Variants in CSMD3 observed in about 807,000 individuals in gnomAD.
The protein encoded by CSMD3 is CUB and Sushi multiple domains 3, also known as CUB and sushi domain-containing protein 3.
In CSMD3, 177 loss-of-function variants were observed where a neutral mutation model predicts 435.2. The observed-to-expected ratio is 0.41, with a 90% CI of 0.36 to 0.46. CSMD3 has a LOEUF of 0.46. CSMD3 is among the 20% of genes least tolerant of loss of function. The pLI is 0.34. For synonymous variants in CSMD3, 1,656 were observed against 1,520.5 expected (o/e 1.09, Z -2.07); for missense variants, 4,265 against 4,504.6 (o/e 0.95, Z 1.52).
chr8:112,472,690 A>G lies in CSMD3; in HGVS notation c.5296T>C (p.Ser1766Pro). ...PSCHAPCGSR[S>P]TGSEGTVLSP... ...AGAACAGTGCCTTCTGAACCTGTTG[A>G]ACGACTTCCACAGGGCGCTAGGAAA... Residue 1766 changes from serine to proline, a missense_variant, in exon 32 of 71, where the codon TCA becomes CCA. By Grantham distance (74) the Ser-to-Pro change is moderately conservative. Around this residue, in one of 3 missense-constraint regions of CSMD3, gnomAD observed 3,255 missense variants for 3,380.2 expected, o/e 0.96. Transcript: ENST00000297405. 1 of 1,608,092 alleles carries G rather than the reference A, an allele frequency of 6.2e-7. No homozygotes were observed. Among genetic ancestry groups the G allele is most frequent in the South Asian group, 1.1e-5 (1 of 90,970 alleles).
intron 45 of CSMD3, 97 bp downstream of exon 45, chr8:112,335,232 C>A: frequency 2.5e-6 from 3 of 1,212,402 alleles, no homozygotes; most frequent in Non-Finnish European, 3.6e-6. Context: ...AATTTTAATA[C>A]CTTTTCAATC....
At chr8:113,033,055 A>G (rs1346217311) in intron 5 of CSMD3, among the ~76,000 whole-genome samples, 1 of 151,566 alleles carries the variant, frequency 6.6e-6, no homozygotes, top group African/African-American at 2.4e-5. Context: ...GTCTCCACCT[A>G]GATTTCAGAG....
intron 32 of CSMD3, among the ~76,000 whole-genome samples, chr8:112,458,272 C>T (rs1311374470): frequency 2.0e-5 from 3 of 149,678 alleles, no homozygotes; most frequent in Non-Finnish European, 4.5e-5. Context: ...TTATTAAAGA[C>T]ACTTAGCATC....
intron 10 of CSMD3, among the ~76,000 whole-genome samples, chr8:112,907,885 G>C (rs1158446121): frequency 6.6e-6 from 1 of 151,294 alleles, no homozygotes; most frequent in Admixed American, 6.6e-5. Flanking sequence ...ATGTGAGAAG[G>C]AATGAACTGG....
rs1563820913 is a variant in CSMD3 at position 112,346,668 on chromosome 8, C to CT, written c.6326-456_6326-455insA. Among the ~76,000 whole-genome samples, 396 of 129,222 alleles carry CT rather than the reference C, an allele frequency of 3.1e-3. 2 individuals carry two copies. Among genetic ancestry groups the CT allele is most frequent in the African/African-American group, 0.013 (380 of 29,986 alleles). The allele number at this position is 129,222 out of a possible 152,430, so 84.8% of individuals were successfully genotyped here. A position where few individuals can be genotyped will look rare whatever the true frequency, so the allele number is the denominator to read the frequency against. On this transcript the variant is annotated intron_variant, in intron 40 of 70. Transcript: ENST00000297405. ...CATTTTCACAGCCTTCCCTCCTTTT[C>CT]CTTTTTTTTTTTTTTTTTTTTTTTT...
chr8:112,488,868 T>C (rs1820404960), intron 31 of CSMD3, among the ~76,000 whole-genome samples: 1 of 152,140 alleles, frequency 6.6e-6, no homozygotes, highest in Admixed American at 6.6e-5. Flanking sequence ...TATGGAGTTT[T>C]GGGAGGGGCC....
rs1418740348 is a variant in CSMD3 at position 113,088,010 on chromosome 8, C to A, written c.917+10746G>T. 1.3e-4 allele frequency among the ~76,000 whole-genome samples: 20 copies of A among 148,630 alleles called. 1 individual carries two copies. Among genetic ancestry groups the A allele is most frequent in the African/African-American group, 4.5e-4 (18 of 39,928 alleles). On this transcript the variant is annotated intron_variant, in intron 5 of 70. Coordinates refer to ENST00000297405, the MANE Select transcript of CSMD3 (RefSeq NM_198123.2). ...TCTACAATGAACTCAAACAAATTTA[C>A]AAGAAAAAAACAAACAACCCCATCA...
intron 19 of CSMD3, 115 bp downstream of exon 19, chr8:112,650,046 A>G (rs2075084796): frequency 2.5e-6 from 2 of 791,870 alleles, no homozygotes; most frequent in East Asian, 2.7e-5. Flanking sequence ...CCAGAAATCA[A>G]AAGAACTTTT....
intron 13 of CSMD3, among the ~76,000 whole-genome samples, chr8:112,695,953 A>G (rs138604138): frequency 0.17 from 26,371 of 152,164 alleles, 2,440 homozygotes; most frequent in Middle Eastern, 0.32. Flanking sequence ...CAGAGAGCCA[A>G]ATTATGAGTG....
At chr8:113,114,965 T>G (rs571720994) in intron 4 of CSMD3, among the ~76,000 whole-genome samples, 1 of 152,286 alleles carries the variant, frequency 6.6e-6, no homozygotes, top group South Asian at 2.1e-4. Flanking sequence ...TCATAAAATA[T>G]AAAGGGCTGA....
At chr8:113,378,691 G>A (rs1400594463) in intron 1 of CSMD3, among the ~76,000 whole-genome samples, 15 of 152,086 alleles carry the variant, frequency 9.9e-5, no homozygotes, top group Admixed American at 5.9e-4. Context: ...ATTTCAGCTA[G>A]GGGAGATATT....
chr8:113,271,366 C>T (rs1008199649), intron 3 of CSMD3, among the ~76,000 whole-genome samples: 5 of 152,122 alleles, frequency 3.3e-5, no homozygotes, highest in South Asian at 4.1e-4. Flanking sequence ...GAGAAAAAAA[C>T]GGTTTCTTTG....
At chr8:112,845,080 T>C (rs1281629022) in intron 11 of CSMD3, among the ~76,000 whole-genome samples, 1 of 151,970 alleles carries the variant, frequency 6.6e-6, no homozygotes, top group African/African-American at 2.4e-5. Context: ...TTTTGCCTAC[T>C]TTGTTGGTAA....
intron 12 of CSMD3, among the ~76,000 whole-genome samples, chr8:112,807,062 C>T (rs1474427809): frequency 6.6e-6 from 1 of 152,182 alleles, no homozygotes; most frequent in Admixed American, 6.5e-5. Context: ...GACCCATGTA[C>T]TCTACCACTT....
chr8:112,588,850 C>T (rs557163576), intron 22 of CSMD3, among the ~76,000 whole-genome samples: 7 of 152,036 alleles, frequency 4.6e-5, no homozygotes, highest in South Asian at 2.1e-4. Context: ...TAATGCCAGG[C>T]GTCCATCACT....
At chr8:113,310,202 T>A (rs2132646576) in intron 2 of CSMD3, 1 of 152,162 alleles carries the variant, frequency 6.6e-6, no homozygotes, top group African/African-American at 2.4e-5. Flanking sequence ...TCTTCCACTT[T>A]GAGAAAAGAT....
At chr8:112,835,784 A>G (rs994059148) in intron 11 of CSMD3, among the ~76,000 whole-genome samples, 2 of 151,924 alleles carry the variant, frequency 1.3e-5, no homozygotes, top group African/African-American at 4.8e-5. Flanking sequence ...TTCAACAGGT[A>G]AAAATAAATC....
chr8:113,415,246 T>C (rs1458050402), intron 1 of CSMD3, among the ~76,000 whole-genome samples: 1 of 152,148 alleles, frequency 6.6e-6, no homozygotes, highest in East Asian at 1.9e-4. Flanking sequence ...TTTATTGAAC[T>C]GGAAATATGT....
intron 1 of CSMD3, among the ~76,000 whole-genome samples, chr8:113,417,539 C>G (rs1043379583): frequency 6.6e-6 from 1 of 151,766 alleles, no homozygotes. Context: ...TTTTATGCCC[C>G]GAAGAAAACT....
Sources: gnomAD v4.1 joint callset for allele counts (sites outside exome capture counted in the v4.1 genomes callset) on GRCh38, gnomAD v4.1.1 for gene constraint, gnomAD v4.1.1 regional missense constraint, MANE v1.5 for transcripts, NCBI Gene and HGNC (gene_info 2026-07-23, HGNC 2026-07-21) for gene names.